Variants in FGFR2 observed in about 807,000 individuals in gnomAD.
The protein encoded by FGFR2 is BEK fibroblast growth factor receptor.
Under a neutral mutation model 95.9 loss-of-function variants are expected in FGFR2, and 19 were observed. The observed-to-expected ratio is 0.20, with a 90% CI of 0.14 to 0.29. FGFR2 has a LOEUF of 0.29. Among genes scored for constraint, FGFR2 ranks in the 10% least tolerant of loss-of-function variants. The probability of loss-of-function intolerance (pLI) is 1.00; values close to 1 mark genes in which losing one functional copy is unlikely to be tolerated. For synonymous variants in FGFR2, 392 were observed against 393.3 expected (o/e 1.00, Z 0.04); for missense variants, 707 against 1,056.9 (o/e 0.67, Z 4.59).
intron 9 of FGFR2, among the ~76,000 whole-genome samples, chr10:121,509,758 C>T (rs527541027): frequency 1.8e-4 from 28 of 152,034 alleles, no homozygotes; most frequent in African/African-American, 6.5e-4. Flanking sequence ...GCTGGGATTA[C>T]AGGTGTGGGC....
At chr10:121,555,970 T>C (rs1368133290) in intron 4 of FGFR2, among the ~76,000 whole-genome samples, 2 of 152,136 alleles carry the variant, frequency 1.3e-5, no homozygotes, top group African/African-American at 4.8e-5. Context: ...TTCTTTGTGA[T>C]AGATGTGTGC....
chr10:121,554,431 C>T (rs1210851887), intron 4 of FGFR2, among the ~76,000 whole-genome samples: 1 of 151,482 alleles, frequency 6.6e-6, no homozygotes, highest in Non-Finnish European at 1.5e-5. Flanking sequence ...CTCTGCCTCC[C>T]GGGTTCACGC....
chr10:121,509,348 A>G (rs778451454), intron 9 of FGFR2, among the ~76,000 whole-genome samples: 1 of 151,866 alleles, frequency 6.6e-6, no homozygotes, highest in Admixed American at 6.6e-5. Flanking sequence ...AGCATGTGCC[A>G]TAAGTCAAGC....
chr10:121,497,935 T>G (rs1847095659), intron 12 of FGFR2, among the ~76,000 whole-genome samples: 1 of 152,218 alleles, frequency 6.6e-6, no homozygotes, highest in Non-Finnish European at 1.5e-5. Flanking sequence ...ATAGGCGTTT[T>G]CAAGTTTACT....
In FGFR2 at chr10:121,534,677, G is replaced by A. The variant is rs997394294; in HGVS notation, c.748+3915C>T. ...TCCCCAAGTGCTAGGTTACAGGTGT[G>A]AGCCACCATGCCCAGCCCCAAAATG... On this transcript the variant is annotated intron_variant, in intron 6 of 17. Coordinates refer to ENST00000358487, the MANE Select transcript of FGFR2 (RefSeq NM_000141.5). Among the ~76,000 whole-genome samples the A allele has an allele frequency of 1.1e-4, 17 of 152,254 alleles. 1 individual carries two copies. In the East Asian group the frequency reaches 3.1e-3, roughly 28 times the overall value.
intron 5 of FGFR2, among the ~76,000 whole-genome samples, chr10:121,539,860 G>GTAA (rs1853432965): frequency 6.6e-6 from 1 of 152,170 alleles, no homozygotes; most frequent in African/African-American, 2.4e-5. Context: ...AAATCATCTC[G>GTAA]TAACCACTCC....
chr10:121,488,540 C>CAA (rs60596436), intron 13 of FGFR2, among the ~76,000 whole-genome samples: 4 of 103,068 alleles, frequency 3.9e-5, no homozygotes, highest in African/African-American at 1.1e-4. Flanking sequence ...GACTCTGTCT[C>CAA]AAAAAAAAAA....
At chr10:121,597,358 A>G (rs1175594011) in intron 1 of FGFR2, among the ~76,000 whole-genome samples, 4 of 152,218 alleles carry the variant, frequency 2.6e-5, no homozygotes, top group South Asian at 2.1e-4. Context: ...TTCGCCCCCT[A>G]GCCCCAGGCG....
chr10:121,509,495 T>TTC, intron 9 of FGFR2, among the ~76,000 whole-genome samples: 2 of 109,356 alleles, frequency 1.8e-5, no homozygotes, highest in African/African-American at 7.3e-5. Context: ...TTTTTTTTTT[T>TTC]TTTTTTTTTT....
At chr10:121,487,563 A>C in intron 14 of FGFR2, 139 bp from the exon 15 acceptor site, 1 of 730,610 alleles carries the variant, frequency 1.4e-6, no homozygotes, top group Non-Finnish European at 2.4e-6. Context: ...AATCAGTCCC[A>C]ATGAGGACCA....
At chr10:121,490,509 C>T (rs1235034848) in intron 13 of FGFR2, among the ~76,000 whole-genome samples, 1 of 152,176 alleles carries the variant, frequency 6.6e-6, no homozygotes, top group Non-Finnish European at 1.5e-5. Context: ...TGAGCTGCTG[C>T]ATTTTTGTTA....
rs1170790932 is a variant in FGFR2 at position 121,598,184 on chromosome 10, G to T, written c.-373C>A. The T allele has an allele frequency of 2.5e-6, 1 of 398,112 alleles. No individual in the cohort carries two copies. Among genetic ancestry groups the T allele is most frequent in the East Asian group, 3.6e-5 (1 of 28,020 alleles). The allele number at this position is 398,112 out of a possible 1,614,324, so 24.7% of individuals were successfully genotyped here. The stretch of plus-strand genomic sequence containing the variant: ...GGCTGCCCTCGGATTTGGGGAACGA[G>T]AGGAAGAAAGGACTCAGGCTTGGCG... On this transcript the variant is annotated 5_prime_UTR_variant, in exon 1 of 18. Coordinates refer to ENST00000358487, the MANE Select transcript of FGFR2 (RefSeq NM_000141.5).
At chr10:121,529,999 C>A (rs759820475) in intron 6 of FGFR2, among the ~76,000 whole-genome samples, 6 of 152,180 alleles carry the variant, frequency 3.9e-5, no homozygotes, top group Admixed American at 1.3e-4. Context: ...TGTCTCTTCT[C>A]AGAAGAGGAA....
intron 2 of FGFR2, among the ~76,000 whole-genome samples, chr10:121,577,956 T>C (rs932503278): frequency 3.3e-5 from 5 of 152,032 alleles, no homozygotes; most frequent in African/African-American, 1.2e-4. Flanking sequence ...GCCCCTCTTT[T>C]CCTCTGGCCC....
Position 121,517,328 on chromosome 10 carries a change from C to T in FGFR2, c.1075G>A (p.Val359Ile), listed in dbSNP as rs1274989878. The T allele has an allele frequency of 2.5e-6, 4 of 1,614,202 alleles. 1 individual carries two copies. In the South Asian group the frequency reaches 4.4e-5, roughly 18 times the overall value. ...AAAGAACAGTATATACCTGGCAGAA[C>T]TGTCAACCATGCAGAGTGAAAGGAT... The part of the protein sequence containing the change: ...GISFHSAWLT[V>I]LPAPGREKEI... Residue 359 changes from valine to isoleucine, a missense_variant, in exon 8 of 18, where the codon GTT (valine) becomes ATT (isoleucine). By Grantham distance (29) the Val-to-Ile change is conservative. Around this residue, in one of 7 missense-constraint regions of FGFR2, gnomAD observed 194 missense variants for 267.3 expected, o/e 0.73. Coordinates refer to ENST00000358487, the MANE Select transcript of FGFR2 (RefSeq NM_000141.5). The surrounding 1 kb of genome is among the most constrained non-coding windows in gnomAD (Gnocchi z 4.7).
At chr10:121,593,173 T>C (rs1564753450) in intron 2 of FGFR2, among the ~76,000 whole-genome samples, 1 of 152,174 alleles carries the variant, frequency 6.6e-6, no homozygotes, top group Non-Finnish European at 1.5e-5. Flanking sequence ...GATGCATTGC[T>C]TAAGTATTAT....
At chr10:121,568,923 C>T (rs1003058896) in intron 2 of FGFR2, among the ~76,000 whole-genome samples, 1 of 152,066 alleles carries the variant, frequency 6.6e-6, no homozygotes, top group African/African-American at 2.4e-5. Flanking sequence ...CTGCCCTGGA[C>T]GAGAAGAGGA....
In FGFR2 at chr10:121,489,746, G is replaced by T. The variant is rs3135795; in HGVS notation, c.1864-1633C>A. On this transcript the variant is annotated intron_variant, in intron 13 of 17. Transcript: ENST00000358487. ...TTACACATTCCTCCCAAGTCCTGTT[G>T]ATTTCAACTCCAAAATGCCTTCCCA... 4.5e-3 allele frequency among the ~76,000 whole-genome samples: 684 copies of T among 152,222 alleles called. 3 individuals carry two copies. Among genetic ancestry groups the T allele is most frequent in the Non-Finnish European group, 6.5e-3 (441 of 68,028 alleles).
Position 121,500,856 on chromosome 10 carries a change from C to T in FGFR2, c.1531G>A (p.Ala511Thr), listed in dbSNP as rs765066758. Residue 511 changes from alanine to threonine, a missense_variant, in exon 11 of 18, where the codon GCG becomes ACG. This residue lies in a region of FGFR2 where 194 missense variants were observed against 267.3 expected (regional missense o/e 0.73). Transcript: ENST00000358487. ...VGIDKDKPKEAVTVAVKMLKD... is the reference protein window; with the variant it reads ...VGIDKDKPKETVTVAVKMLKD... ...AACATCTTCACGGCCACGGTGACCG[C>T]CTCCTTGGGCTTGTCTTTGTCAATT... is the stretch of plus-strand genomic sequence containing the variant. 32 of 1,614,206 alleles carry T rather than the reference C, an allele frequency of 2.0e-5. No individual in the cohort carries two copies. The East Asian group carries it at 2.2e-4, about 11-fold the overall frequency.
Sources: gnomAD v4.1 joint callset for allele counts (sites outside exome capture counted in the v4.1 genomes callset) on GRCh38, gnomAD v4.1.1 for gene constraint, gnomAD v4.1.1 regional missense constraint, Gnocchi (gnomAD v3.1) non-coding constraint, MANE v1.5 for transcripts, NCBI Gene and HGNC (gene_info 2026-07-23, HGNC 2026-07-21) for gene names.